TENM2: variants seen among roughly 807,000 people sequenced by gnomAD.
TENM2 encodes teneurin-2.
Under a neutral mutation model 245.2 loss-of-function variants are expected in TENM2, and 52 were observed. That is an observed-to-expected ratio of 0.21 (90% confidence interval 0.17 to 0.27). The LOEUF (loss-of-function observed/expected upper bound fraction) is 0.27, where lower values mean the gene tolerates loss of function less well. TENM2 is among the 10% of genes least tolerant of loss of function. The pLI is 1.00. For missense variants in TENM2, 3,046 were observed against 3,666.8 expected, an observed-to-expected ratio of 0.83 and a Z score of 4.37; for synonymous variants, 1,363 against 1,438.9, an observed-to-expected ratio of 0.95 and a Z score of 1.19.
Position 167,933,642 on chromosome 5 carries a change from G to A in TENM2, c.713-18946G>A, listed in dbSNP as rs1242711612. ...TTTGTCTGGGAAGTTCACGCATTTC[G>A]ACTAATTCATTTATGAATAAATTGT... is the stretch of plus-strand genomic sequence containing the variant. On this transcript the variant is annotated intron_variant, in intron 3 of 28. Coordinates refer to ENST00000518659, the Ensembl canonical transcript of TENM2. Among the ~76,000 whole-genome samples the A allele has an allele frequency of 3.3e-5, 5 of 151,794 alleles. No individual in the cohort carries two copies. The East Asian group carries it at 7.8e-4, about 24-fold the overall frequency.
At chr5:167,577,590 T>A (rs896223371) in intron 2 of TENM2, among the ~76,000 whole-genome samples, 6 of 152,072 alleles carry the variant, frequency 3.9e-5, no homozygotes. Context: ...TCAAATACAT[T>A]TTTTTTTGTA....
exon 8 of TENM2, chr5:168,090,688 C>T (rs1278842996): frequency 5.0e-6 from 8 of 1,613,802 alleles, no homozygotes; most frequent in Non-Finnish European, 6.8e-6. Context: ...TGTGCAGTAC[C>T]TGGATGTGGG....
At chr5:167,370,298 C>T (rs1467043926) in intron 1 of TENM2, among the ~76,000 whole-genome samples, 13 of 135,030 alleles carry the variant, frequency 9.6e-5, no homozygotes, top group Admixed American at 8.1e-4. Context: ...GCCGAGATAA[C>T]GCCACTGCAC....
At chr5:168,047,678 C>A in intron 6 of TENM2, 129 bp downstream of exon 8, 3 of 1,113,014 alleles carry the variant, frequency 2.7e-6, no homozygotes, top group Non-Finnish European at 3.8e-6. Flanking sequence ...GGGGAAAAAT[C>A]ATTGCCTTTC....
chr5:167,611,410 G>A (rs1394955778), intron 2 of TENM2, among the ~76,000 whole-genome samples: 1 of 151,976 alleles, frequency 6.6e-6, no homozygotes, highest in African/African-American at 2.4e-5. Flanking sequence ...GGAAAACCTT[G>A]GTCTAGGTTG....
chr5:168,024,107 A>G (rs1786401721), intron 5 of TENM2, among the ~76,000 whole-genome samples: 1 of 152,190 alleles, frequency 6.6e-6, no homozygotes. Context: ...TATTACCCCT[A>G]AGCAACCTCA....
chr5:167,247,617 T>G, the TENM2 span, among the ~76,000 whole-genome samples: 1 of 152,178 alleles, frequency 6.6e-6, no homozygotes, highest in African/African-American at 2.4e-5. Context: ...CCTCTGCTTC[T>G]TCTCCTCCCC....
chr5:167,369,729 A>C (rs947718153), intron 1 of TENM2, among the ~76,000 whole-genome samples: 38 of 152,210 alleles, frequency 2.5e-4, no homozygotes, highest in African/African-American at 8.4e-4. Flanking sequence ...GGGTGCTTGC[A>C]TAACAAACAT....
At chr5:167,352,069 T>C in intron 1 of TENM2, among the ~76,000 whole-genome samples, 1 of 152,198 alleles carries the variant, frequency 6.6e-6, no homozygotes, top group East Asian at 1.9e-4. Context: ...CTTTTTCAAA[T>C]TTTATTTTTT....
intron 4 of TENM2, among the ~76,000 whole-genome samples, chr5:167,970,528 A>G (rs1781699908): frequency 6.6e-6 from 1 of 152,170 alleles, no homozygotes; most frequent in African/African-American, 2.4e-5. Flanking sequence ...ATCAAGTTGA[A>G]TGACTTCGAA....
intron 1 of TENM2, among the ~76,000 whole-genome samples, chr5:167,285,545 C>A (rs1441336338): frequency 6.6e-6 from 1 of 152,120 alleles, no homozygotes; most frequent in African/African-American, 2.4e-5. Context: ...CTTAATTTTC[C>A]TTTCCTTATA....
At chr5:167,108,406 G>A in the TENM2 span, among the ~76,000 whole-genome samples, 97 of 152,248 alleles carry the variant, frequency 6.4e-4, no homozygotes, top group African/African-American at 2.3e-3. Context: ...GATTACAGGC[G>A]TGAGTCACCG....
intron 2 of TENM2, among the ~76,000 whole-genome samples, chr5:167,546,770 C>G (rs887989390): frequency 6.6e-6 from 1 of 152,152 alleles, no homozygotes; most frequent in Non-Finnish European, 1.5e-5. Context: ...TCCATGGGCT[C>G]TTGGCTTTCT....
chr5:168,193,095 A>T (rs1471850658), intron 14 of TENM2, among the ~76,000 whole-genome samples: 2 of 152,226 alleles, frequency 1.3e-5, no homozygotes, highest in Non-Finnish European at 2.9e-5. Flanking sequence ...CCTGAAAGAA[A>T]GTTGCTTTAG....
At chr5:167,567,656 C>T (rs1452533467) in intron 2 of TENM2, among the ~76,000 whole-genome samples, 1 of 152,126 alleles carries the variant, frequency 6.6e-6, no homozygotes, top group Non-Finnish European at 1.5e-5. Flanking sequence ...CTAATTTTGA[C>T]ACCAACTTGA....
intron 1 of TENM2, among the ~76,000 whole-genome samples, chr5:167,365,936 C>T (rs569832194): frequency 4.6e-5 from 7 of 151,544 alleles, no homozygotes; most frequent in Non-Finnish European, 1.0e-4. Flanking sequence ...AGAAGAATGG[C>T]TGAACATTAA....
rs188864911 is a variant in TENM2, at chr5:168,215,171, C to T, written c.3977C>T (p.Ser1326Leu). The change falls in exon 21 of 29, where the codon TCG becomes TTG. Residue 1326 changes from serine (S) to leucine (L), a missense_variant. Coordinates refer to ENST00000518659, the Ensembl canonical transcript of TENM2. ...GGAACCAAAGACCTGGCTGGGAATT[C>T]GGAAGTTGTGGCAGGGACGGGAGAG... 4.9e-4 allele frequency: 784 copies of T among 1,613,812 alleles called. 6 individuals carry two copies. The African/African-American group carries it at 9.5e-3, about 19-fold the overall frequency.
intron 2 of TENM2, among the ~76,000 whole-genome samples, chr5:167,866,178 T>C (rs1772305537): frequency 6.6e-6 from 1 of 152,176 alleles, no homozygotes; most frequent in Admixed American, 6.5e-5. Context: ...GAGATGAGTC[T>C]TTAGAGTGTC....
chr5:167,146,443 G>T, the TENM2 span, among the ~76,000 whole-genome samples: 1 of 152,088 alleles, frequency 6.6e-6, no homozygotes, highest in Non-Finnish European at 1.5e-5. Context: ...TGTAACGCAG[G>T]TTCGGTTCTT....
Sources: allele counts gnomAD v4.1 joint callset (sites outside exome capture counted in the v4.1 genomes callset), GRCh38; gene constraint gnomAD v4.1.1; transcripts MANE v1.5; gene names NCBI Gene and HGNC (gene_info 2026-07-23, HGNC 2026-07-21).